AGK: variants seen among roughly 807,000 people sequenced by gnomAD.
AGK encodes the protein acylglycerol kinase, also known as acylglycerol kinase, mitochondrial.
A neutral mutation model predicts 66.4 loss-of-function variants in AGK; 52 were observed. That is an observed-to-expected ratio of 0.78 (90% confidence interval 0.63 to 0.99). AGK has a LOEUF of 0.99. Among genes scored for constraint, AGK ranks in the 50% least tolerant of loss-of-function variants. The probability of loss-of-function intolerance (pLI) is 0.00; values close to 1 mark genes in which losing one functional copy is unlikely to be tolerated. For synonymous variants in AGK, 182 were observed against 181.1 expected, an observed-to-expected ratio of 1.00 and a Z score of -0.04; for missense variants, 451 against 506.6, an observed-to-expected ratio of 0.89 and a Z score of 1.05.
intron 3 of AGK, among the ~76,000 whole-genome samples, chr7:141,595,459 A>C (rs1405864725): frequency 6.6e-6 from 1 of 152,216 alleles, no homozygotes; most frequent in African/African-American, 2.4e-5. Flanking sequence ...TTCAGAAAAA[A>C]AGTATTTTTG....
At chr7:141,590,453 G>A (rs1388045250) in intron 2 of AGK, among the ~76,000 whole-genome samples, 1 of 152,142 alleles carries the variant, frequency 6.6e-6, no homozygotes, top group Non-Finnish European at 1.5e-5. Context: ...AGCAGTGGCC[G>A]GTGGGAGCAC....
rs1265229792 is a variant in AGK, at chr7:141,654,007, G to GCTTTTCTC, written c.*1087_*1094dup. ...TTTAGTAGTTAAACATTTCAAATTGGCTTTTCTCCTTCTGTATTTCCATAC... is the reference window on the plus strand; with the variant it reads ...TTTAGTAGTTAAACATTTCAAATTGGCTTTTCTCCTTTTCTCCTTCTGTATTTCCATAC... On this transcript the variant is annotated 3_prime_UTR_variant, in exon 16 of 16. Coordinates refer to ENST00000649286, the MANE Select transcript of AGK (RefSeq NM_018238.4). 4 of 151,830 alleles carry GCTTTTCTC rather than the reference G, an allele frequency of 2.6e-5. No individual in the cohort carries two copies. Among genetic ancestry groups the GCTTTTCTC allele is most frequent in the Non-Finnish European group, 4.4e-5 (3 of 67,988 alleles). 9.4% of individuals were successfully genotyped at this position (151,830 alleles called of 1,614,324 possible).
rs532781515 is a variant in AGK, at chr7:141,621,599, A to C, written c.519-133A>C. The C allele has an allele frequency of 7.7e-6, 5 of 652,340 alleles. No individual in the cohort carries two copies. In the Admixed American group the frequency reaches 1.4e-4, roughly 18 times the overall value. The allele number at this position is 652,340 out of a possible 1,614,324, so 40.4% of individuals were successfully genotyped here. ...GAGGGAGAGAGGGAAGGAGGGGGAG[A>C]GAGAGAGAGGGAGAGAGAGAGAATG... On this transcript the variant is annotated intron_variant, in intron 8 of 15. Coordinates refer to ENST00000649286, the MANE Select transcript of AGK (RefSeq NM_018238.4).
chr7:141,601,143 CT>C, intron 4 of AGK, 61 bp from the exon 5 acceptor site: 1 of 1,258,980 alleles, frequency 7.9e-7, no homozygotes. Flanking sequence ...GATTGTAAGG[CT>C]TTTTGTTCTT....
At chr7:141,554,290 T>C (rs1013431140) in intron 1 of AGK, among the ~76,000 whole-genome samples, 3 of 150,802 alleles carry the variant, frequency 2.0e-5, no homozygotes, top group Admixed American at 2.0e-4. Flanking sequence ...TAGTGAGCTA[T>C]GATTGTGCCA....
intron 11 of AGK, among the ~76,000 whole-genome samples, chr7:141,637,676 G>A (rs1231331576): frequency 3.3e-5 from 5 of 152,192 alleles, no homozygotes; most frequent in African/African-American, 1.2e-4. Context: ...TATATTGATA[G>A]TTTGGCCAAT....
chr7:141,575,232 G>A (rs1455393531), intron 2 of AGK, among the ~76,000 whole-genome samples: 1 of 152,202 alleles, frequency 6.6e-6, no homozygotes, highest in Non-Finnish European at 1.5e-5. Context: ...GAGTATTGAG[G>A]GGGAAAATGC....
At position 141,653,155 on chromosome 7, in the gene AGK, C is replaced by T. The variant is rs1797606303; in HGVS notation, c.*231C>T. Reference sequence around the variant, plus strand: ...TATTTTGGTGTGACGGTTGGCCCTCCTAAACACGGACTTTCCTCAGGCTGG... The same window carrying T: ...TATTTTGGTGTGACGGTTGGCCCTCTTAAACACGGACTTTCCTCAGGCTGG... On this transcript the variant is annotated 3_prime_UTR_variant, in exon 16 of 16. Coordinates refer to ENST00000649286, the MANE Select transcript of AGK (RefSeq NM_018238.4). The T allele has an allele frequency of 2.0e-5, 10 of 497,076 alleles. No homozygotes were observed. In the South Asian group the frequency reaches 2.6e-4, roughly 13 times the overall value. 30.8% of individuals were successfully genotyped at this position (497,076 alleles called of 1,614,324 possible).
rs1320339582 is a variant in AGK at position 141,555,131 on chromosome 7, C to T, written c.-14-322C>T. 1.3e-5 allele frequency among the ~76,000 whole-genome samples: 2 copies of T among 152,184 alleles called. No individual in the cohort carries two copies. Among genetic ancestry groups the T allele is most frequent in the Non-Finnish European group, 2.9e-5 (2 of 68,040 alleles). ...ACCAGAGGAAGCCTGGAATTCCCTTCCTCTCTTTCTGCCCCTCCCTCTTCC... is the reference window on the plus strand; with the variant it reads ...ACCAGAGGAAGCCTGGAATTCCCTTTCTCTCTTTCTGCCCCTCCCTCTTCC... On this transcript the variant is annotated intron_variant, in intron 1 of 15. Transcript: ENST00000649286. This position sits in a 1 kb window ranked among gnomAD's most constrained non-coding sequence, Gnocchi z 4.2.
At chr7:141,622,337 A>G (rs1562976387) in intron 9 of AGK, among the ~76,000 whole-genome samples, 1 of 152,114 alleles carries the variant, frequency 6.6e-6, no homozygotes, top group Non-Finnish European at 1.5e-5. Flanking sequence ...ATTTTATTAC[A>G]CTTTGCCTGA....
At chr7:141,631,074 G>T (rs1797046038) in intron 9 of AGK, among the ~76,000 whole-genome samples, 1 of 152,136 alleles carries the variant, frequency 6.6e-6, no homozygotes, top group Non-Finnish European at 1.5e-5. Flanking sequence ...TCCAGTGAGG[G>T]TAGGAATATT....
intron 10 of AGK, among the ~76,000 whole-genome samples, chr7:141,635,662 C>G (rs573569498): frequency 5.9e-5 from 9 of 152,240 alleles, no homozygotes; most frequent in East Asian, 1.9e-4. Flanking sequence ...AAGCTTTTCT[C>G]TCTTTCTCTG....
At chr7:141,605,621 C>T (rs929962810) in intron 5 of AGK, among the ~76,000 whole-genome samples, 3 of 152,206 alleles carry the variant, frequency 2.0e-5, no homozygotes, top group Non-Finnish European at 4.4e-5. Context: ...CCTAGCCTAC[C>T]ATTCTTTTAG....
intron 7 of AGK, among the ~76,000 whole-genome samples, chr7:141,614,823 G>T (rs1442920114): frequency 6.6e-6 from 1 of 152,140 alleles, no homozygotes; most frequent in Non-Finnish European, 1.5e-5. Flanking sequence ...GTTAACATTT[G>T]TTAAATATAG....
intron 2 of AGK, among the ~76,000 whole-genome samples, chr7:141,566,201 C>T (rs1795464608): frequency 6.6e-6 from 1 of 152,196 alleles, no homozygotes; most frequent in Non-Finnish European, 1.5e-5. Flanking sequence ...CCTCTCTAGT[C>T]AGGATTAGGC....
intron 2 of AGK, among the ~76,000 whole-genome samples, chr7:141,570,813 T>C (rs1430364914): frequency 6.6e-6 from 1 of 152,232 alleles, no homozygotes; most frequent in East Asian, 1.9e-4. Flanking sequence ...TCTGTGTTTC[T>C]ATTTTTCTTA....
intron 9 of AGK, among the ~76,000 whole-genome samples, chr7:141,622,323 C>T (rs182890194): frequency 6.6e-6 from 1 of 152,276 alleles, no homozygotes; most frequent in East Asian, 1.9e-4. Context: ...TACAGGCATA[C>T]CTCATTTTAT....
At position 141,614,087 on chromosome 7, in the gene AGK, C is replaced by A. The variant is rs115429477; in HGVS notation, c.391-59C>A. The A allele has an allele frequency of 3.5e-3, 4,401 of 1,262,382 alleles. 122 individuals carry two copies. The African/African-American group carries it at 0.06, about 17-fold the overall frequency. The allele number at this position is 1,262,382 out of a possible 1,614,324, so 78.2% of individuals were successfully genotyped here. On this transcript the variant is annotated intron_variant, in intron 6 of 15. Coordinates refer to ENST00000649286, the MANE Select transcript of AGK (RefSeq NM_018238.4). Reference sequence around the variant, plus strand: ...TGGTCTATGAAAATTGAATCCAATTCTTTTATTGTAAAGGAAATACATATT... The same window carrying A: ...TGGTCTATGAAAATTGAATCCAATTATTTTATTGTAAAGGAAATACATATT...
intron 2 of AGK, among the ~76,000 whole-genome samples, chr7:141,557,382 G>A (rs553733745): frequency 4.6e-5 from 7 of 152,216 alleles, no homozygotes; most frequent in Non-Finnish European, 8.8e-5. Context: ...TTTAACAAAT[G>A]GAGCATGGAA....
Sources: allele counts gnomAD v4.1 joint callset (sites outside exome capture counted in the v4.1 genomes callset), GRCh38; gene constraint gnomAD v4.1.1; non-coding constraint Gnocchi (gnomAD v3.1); transcripts MANE v1.5; gene names NCBI Gene and HGNC (gene_info 2026-07-23, HGNC 2026-07-21).